Variants in UTRN observed in about 807,000 individuals in gnomAD.
The protein encoded by UTRN is dystrophin-related protein 1.
In UTRN, 283 loss-of-function variants were observed where a neutral mutation model predicts 463.9. That is an observed-to-expected ratio of 0.61 (90% confidence interval 0.55 to 0.67). The LOEUF (loss-of-function observed/expected upper bound fraction) is 0.67, where lower values mean the gene tolerates loss of function less well. UTRN is among the 30% of genes least tolerant of loss of function. The pLI is 0.00. For missense variants in UTRN, 3,922 were observed against 4,084.3 expected, an observed-to-expected ratio of 0.96 and a Z score of 1.08; for synonymous variants, 1,442 against 1,431.5, an observed-to-expected ratio of 1.01 and a Z score of -0.17.
intron 23 of UTRN, among the ~76,000 whole-genome samples, chr6:144,469,703 C>CTTTTTTTTTTTTTTTTTTTTTTTTTTTTT (rs545551155): frequency 2.2e-5 from 3 of 135,710 alleles, no homozygotes; most frequent in African/African-American, 9.1e-5. Context: ...TGTTTCTTTC[C>CTTTTTTTTTTTTTTTTTTTTTTTTTTTTT]TTTTTTTTTT....
intron 53 of UTRN, among the ~76,000 whole-genome samples, chr6:144,717,365 A>G (rs1288637745): frequency 1.3e-5 from 2 of 152,362 alleles, no homozygotes; most frequent in Non-Finnish European, 2.9e-5. Context: ...CTTGTTAAAC[A>G]CATTAGTTGA....
chr6:144,731,312 A>G (rs1788489396), intron 54 of UTRN, among the ~76,000 whole-genome samples: 1 of 152,148 alleles, frequency 6.6e-6, no homozygotes, highest in South Asian at 2.1e-4. Context: ...TGTGTAATGA[A>G]TTCTGGGTCC....
At chr6:144,360,824 G>A (rs2114684819) in intron 2 of UTRN, among the ~76,000 whole-genome samples, 1 of 152,188 alleles carries the variant, frequency 6.6e-6, no homozygotes, top group South Asian at 2.1e-4. Flanking sequence ...TTTATTATTG[G>A]CCACCTTTCC....
intron 51 of UTRN, among the ~76,000 whole-genome samples, chr6:144,592,171 T>A (rs1803147564): frequency 6.6e-6 from 1 of 152,132 alleles, no homozygotes; most frequent in Non-Finnish European, 1.5e-5. Context: ...TAAATAAAAT[T>A]CTATTGAGTG....
At chr6:144,744,016 G>A (rs757421596) in intron 54 of UTRN, among the ~76,000 whole-genome samples, 10 of 149,754 alleles carry the variant, frequency 6.7e-5, no homozygotes, top group Non-Finnish European at 1.0e-4. Context: ...GGCTAGGTGC[G>A]GTGGCTTATG....
chr6:144,435,296 GTATA>G (rs796693205), intron 9 of UTRN, among the ~76,000 whole-genome samples: 2 of 152,270 alleles, frequency 1.3e-5, no homozygotes, highest in African/African-American at 4.8e-5. Context: ...AGCTCTTAAA[GTATA>G]TATGGAAATA....
chr6:144,778,941 G>C (rs1267087146), intron 60 of UTRN, among the ~76,000 whole-genome samples: 1 of 152,150 alleles, frequency 6.6e-6, no homozygotes, highest in Non-Finnish European at 1.5e-5. Context: ...ACCTAAATGT[G>C]ACACACTTCA....
intron 34 of UTRN, among the ~76,000 whole-genome samples, chr6:144,500,993 G>T (rs934507572): frequency 6.6e-6 from 1 of 152,164 alleles, no homozygotes. Context: ...AGCTCTACAC[G>T]TTTGCTGTGG....
chr6:144,653,598 A>G (rs1360667911), intron 51 of UTRN, among the ~76,000 whole-genome samples: 3 of 152,016 alleles, frequency 2.0e-5, no homozygotes, highest in African/African-American at 7.2e-5. Flanking sequence ...AAAAAAAAAA[A>G]AAAGAAATTA....
chr6:144,427,013 AC>A (rs1785353991), intron 7 of UTRN, among the ~76,000 whole-genome samples: 1 of 152,200 alleles, frequency 6.6e-6, no homozygotes, highest in Non-Finnish European at 1.5e-5. Context: ...CAATATACAC[AC>A]CAATATAAGC....
At chr6:144,846,235 C>T (rs1469586400) in intron 73 of UTRN, among the ~76,000 whole-genome samples, 2 of 152,176 alleles carry the variant, frequency 1.3e-5, no homozygotes, top group Non-Finnish European at 2.9e-5. Flanking sequence ...CATATTCTAA[C>T]TTCTCCGTTG....
intron 49 of UTRN, among the ~76,000 whole-genome samples, chr6:144,556,389 C>T (rs1799387133): frequency 6.6e-6 from 1 of 152,144 alleles, no homozygotes; most frequent in African/African-American, 2.4e-5. Context: ...CCCCTGGCCC[C>T]TTAACTAGAG....
Position 144,505,618 on chromosome 6 carries a change from CTGTT to C in UTRN, c.4765-5321_4765-5318del, listed in dbSNP as rs1460409456. Reference sequence around the variant, plus strand: ...TTTGATTGCACTGTGGTCTGAGAGACTGTTTGTTACGATTTCTGTTCTTTTGCAT... The same window carrying C: ...TTTGATTGCACTGTGGTCTGAGAGACTGTTACGATTTCTGTTCTTTTGCAT... On this transcript the variant is annotated intron_variant, in intron 34 of 74. Transcript: ENST00000367545. Among the ~76,000 whole-genome samples the C allele has an allele frequency of 5.9e-5, 9 of 152,280 alleles. No individual in the cohort carries two copies. In the East Asian group the frequency reaches 1.3e-3, roughly 23 times the overall value.
At chr6:144,725,676 G>A (rs1281629194) in intron 53 of UTRN, among the ~76,000 whole-genome samples, 2 of 152,172 alleles carry the variant, frequency 1.3e-5, no homozygotes, top group Non-Finnish European at 2.9e-5. Context: ...GTTGGGAAAT[G>A]CAGGTTTTCT....
intron 37 of UTRN, among the ~76,000 whole-genome samples, chr6:144,515,263 G>A (rs556380112): frequency 2.0e-5 from 3 of 152,170 alleles, no homozygotes; most frequent in Admixed American, 6.5e-5. Flanking sequence ...GCATTTGTCC[G>A]TATTTATTTG....
At chr6:144,493,485 C>A in intron 33 of UTRN, 29 bp downstream of exon 33, 1 of 1,592,878 alleles carries the variant, frequency 6.3e-7, no homozygotes, top group South Asian at 1.1e-5. Flanking sequence ...CAGCTCATCT[C>A]TCTGTCTCTC....
At chr6:144,363,866 C>A (rs546513828) in intron 2 of UTRN, among the ~76,000 whole-genome samples, 14 of 152,282 alleles carry the variant, frequency 9.2e-5, no homozygotes, top group African/African-American at 3.1e-4. Context: ...CTATAAAAAG[C>A]ATGCTGAATA....
chr6:144,706,440 C>G (rs1296583732), intron 53 of UTRN, among the ~76,000 whole-genome samples: 1 of 151,180 alleles, frequency 6.6e-6, no homozygotes, highest in East Asian at 1.9e-4. Context: ...AGTTTTCATC[C>G]CTCCTTCCCT....
At chr6:144,509,145 A>G (rs1009699703) in intron 34 of UTRN, among the ~76,000 whole-genome samples, 2 of 152,042 alleles carry the variant, frequency 1.3e-5, no homozygotes, top group African/African-American at 4.8e-5. Context: ...TATCTTTGTT[A>G]TATTAATTCT....
Sources: gnomAD v4.1 joint callset for allele counts (sites outside exome capture counted in the v4.1 genomes callset) on GRCh38, gnomAD v4.1.1 for gene constraint, MANE v1.5 for transcripts, NCBI Gene and HGNC (gene_info 2026-07-23, HGNC 2026-07-21) for gene names.